MACROD1: variants seen among roughly 807,000 people sequenced by gnomAD.
The protein encoded by MACROD1 is ADP-ribose glycohydrolase MACROD1.
Under a neutral mutation model 41.4 loss-of-function variants are expected in MACROD1, and 31 were observed. The ratio of observed to expected loss-of-function variants is 0.75; its 90% confidence interval spans 0.56 to 1.01. MACROD1 has a LOEUF of 1.01. MACROD1 is among the 50% of genes least tolerant of loss of function. The pLI is 0.00. For missense variants in MACROD1, 473 were observed against 460.0 expected, an observed-to-expected ratio of 1.03 and a Z score of -0.26; for synonymous variants, 252 against 203.4, an observed-to-expected ratio of 1.24 and a Z score of -2.03.
chr11:64,097,099 T>C (rs2845594), intron 3 of MACROD1, among the ~76,000 whole-genome samples: 131,649 of 152,294 alleles, frequency 0.86, 57,717 homozygotes, highest in Non-Finnish European at 0.94. Flanking sequence ...CACTGGCAGC[T>C]GTTTCTAGGT....
rs925891017 is a variant in MACROD1 at position 64,001,156 on chromosome 11, C to T, written c.548-813G>A. On this transcript the variant is annotated intron_variant, in intron 4 of 10. Transcript: ENST00000255681. Reference sequence around the variant, plus strand: ...GGGAGGCATGGAGGAAACGCTCCAGCAGCCCAACCTCGCCAGGGCACCGCG... The same window carrying T: ...GGGAGGCATGGAGGAAACGCTCCAGTAGCCCAACCTCGCCAGGGCACCGCG... 1.7e-4 allele frequency: 82 copies of T among 475,694 alleles called. 2 individuals carry two copies. In the South Asian group the frequency reaches 2.3e-3, roughly 14 times the overall value. The allele number at this position is 475,694 out of a possible 1,614,324, so 29.5% of individuals were successfully genotyped here.
intron 3 of MACROD1, chr11:64,117,011 G>A (rs1390352518): frequency 7.4e-6 from 12 of 1,612,622 alleles, no homozygotes; most frequent in Non-Finnish European, 1.0e-5. Context: ...GCCGCCTACA[G>A]AACCTCACAG....
chr11:64,059,918 G>T (rs773883294), intron 3 of MACROD1, among the ~76,000 whole-genome samples: 28 of 152,134 alleles, frequency 1.8e-4, no homozygotes, highest in Non-Finnish European at 3.1e-4. Flanking sequence ...TGGCAACCGC[G>T]ACCTCCTGAG....
chr11:64,048,439 G>C (rs961650152), intron 3 of MACROD1, among the ~76,000 whole-genome samples: 6 of 152,218 alleles, frequency 3.9e-5, no homozygotes, highest in African/African-American at 1.4e-4. Flanking sequence ...CCTGGGACGG[G>C]TGTGGCCTGT....
At chr11:64,032,056 C>T (rs1943302937) in intron 3 of MACROD1, among the ~76,000 whole-genome samples, 2 of 152,148 alleles carry the variant, frequency 1.3e-5, no homozygotes, top group South Asian at 4.1e-4. Context: ...TGGCTTCATG[C>T]CTGGATGCCC....
intron 1 of MACROD1, 32 bp from the exon 2 acceptor site, chr11:64,152,425 G>T: frequency 6.4e-7 from 1 of 1,569,318 alleles, no homozygotes; most frequent in Non-Finnish European, 8.8e-7. Context: ...TCAGGGTGGG[G>T]GCAGAGGAAC....
intron 4 of MACROD1, among the ~76,000 whole-genome samples, chr11:64,009,760 G>A (rs1345590044): frequency 6.6e-6 from 1 of 152,194 alleles, no homozygotes; most frequent in Admixed American, 6.5e-5. Flanking sequence ...CTGCATTGGG[G>A]GTGCCCGGGA....
chr11:64,121,319 C>A (rs569631614), intron 3 of MACROD1, among the ~76,000 whole-genome samples: 1 of 152,368 alleles, frequency 6.6e-6, no homozygotes, highest in South Asian at 2.1e-4. Context: ...TCTTACCAGA[C>A]CCTGCCTGCC....
intron 1 of MACROD1, among the ~76,000 whole-genome samples, chr11:64,160,587 G>C (rs2622422): frequency 0.06 from 9,135 of 152,146 alleles, 369 homozygotes; most frequent in Middle Eastern, 0.15. Context: ...GAGGTGGGAG[G>C]ATCACTTGAG....
intron 1 of MACROD1, among the ~76,000 whole-genome samples, chr11:64,164,891 G>GT (rs1945813616): frequency 1.3e-5 from 2 of 152,188 alleles, no homozygotes. Context: ...TTGGGGCTCA[G>GT]TAGCGGCAGC....
chr11:64,131,345 C>T (rs1046288329), intron 3 of MACROD1, among the ~76,000 whole-genome samples: 1 of 148,796 alleles, frequency 6.7e-6, no homozygotes, highest in Non-Finnish European at 1.5e-5. Context: ...GGGACGTTTT[C>T]TTTTTTTTGA....
At chr11:64,013,751 C>T (rs1418457007) in intron 4 of MACROD1, among the ~76,000 whole-genome samples, 2 of 152,178 alleles carry the variant, frequency 1.3e-5, no homozygotes, top group Non-Finnish European at 2.9e-5. Context: ...CTCCCATCTC[C>T]CCACCTCTTG....
intron 4 of MACROD1, among the ~76,000 whole-genome samples, chr11:64,011,872 C>A (rs1565194044): frequency 6.6e-6 from 1 of 151,890 alleles, no homozygotes; most frequent in African/African-American, 2.4e-5. Flanking sequence ...GGCAGGTAGG[C>A]GATTAGGACT....
intron 3 of MACROD1, among the ~76,000 whole-genome samples, chr11:64,029,429 C>T (rs1030072025): frequency 6.6e-5 from 10 of 152,134 alleles, no homozygotes; most frequent in African/African-American, 1.2e-4. Context: ...TCCCCTACCT[C>T]GGGCAGTCAC....
chr11:64,094,430 T>TA (rs71468652), intron 3 of MACROD1, among the ~76,000 whole-genome samples: 11,674 of 142,436 alleles, frequency 0.082, 645 homozygotes, highest in East Asian at 0.36. Context: ...GACTCCAACT[T>TA]AAAAAAAAAA....
chr11:64,017,939 G>A (rs1174815164), intron 3 of MACROD1, among the ~76,000 whole-genome samples: 3 of 152,230 alleles, frequency 2.0e-5, no homozygotes, highest in African/African-American at 7.2e-5. Context: ...CTGTGGGAAG[G>A]TGATGCCATT....
In MACROD1 at chr11:64,118,129, T is replaced by A. The variant is rs1945028726; in HGVS notation, c.517+33110A>T. ...GAAATCCGCGGCCCTGGGCTGCAGA[T>A]GCTGCCCATCAACCCGTACCGCGCC... On this transcript the variant is annotated intron_variant, in intron 3 of 10. Coordinates refer to ENST00000255681, the MANE Select transcript of MACROD1 (RefSeq NM_014067.4). 2.5e-6 allele frequency: 4 copies of A among 1,613,458 alleles called. No homozygotes were observed. The East Asian group carries it at 6.7e-5, about 27-fold the overall frequency.
chr11:64,027,033 C>T (rs535901448), intron 3 of MACROD1, among the ~76,000 whole-genome samples: 12 of 152,330 alleles, frequency 7.9e-5, no homozygotes, highest in Admixed American at 2.0e-4. Flanking sequence ...TGTGGGGAGA[C>T]GACCTCATTT....
intron 4 of MACROD1, among the ~76,000 whole-genome samples, chr11:64,010,838 GCA>G (rs1943001502): frequency 6.8e-6 from 1 of 146,450 alleles, no homozygotes. Flanking sequence ...GTGTTGGCTT[GCA>G]TGTTGGCTGG....
Sources: allele counts gnomAD v4.1 joint callset (sites outside exome capture counted in the v4.1 genomes callset), GRCh38; gene constraint gnomAD v4.1.1; transcripts MANE v1.5; gene names NCBI Gene and HGNC (gene_info 2026-07-23, HGNC 2026-07-21).